The following PBRM1 variants were observed in gnomAD, a reference collection of about 807,000 sequenced individuals.
PBRM1 encodes the protein protein polybromo-1.
Under a neutral mutation model 194.5 loss-of-function variants are expected in PBRM1, and 27 were observed. That is an observed-to-expected ratio of 0.14 (90% CI 0.10 to 0.19). The LOEUF (loss-of-function observed/expected upper bound fraction) is 0.19, where lower values mean the gene tolerates loss of function less well. Ranked by LOEUF, PBRM1 falls within the 10% of genes least tolerant of loss-of-function variation. The pLI is 1.00. For missense variants in PBRM1, 1,466 were observed against 2,077.2 expected, an observed-to-expected ratio of 0.71 and a Z score of 5.72; for synonymous variants, 655 against 693.2, an observed-to-expected ratio of 0.94 and a Z score of 0.87.
rs1560693312 is a variant in PBRM1, at chr3:52,643,241, T to C, written c.995+7A>G. The C allele has an allele frequency of 1.3e-6, 2 of 1,594,612 alleles. No individual in the cohort carries two copies. The highest frequency in any genetic ancestry group is 1.7e-6 in the Non-Finnish European group (2 of 1,162,198). On this transcript the variant is annotated splice_region_variant and intron_variant, in intron 9 of 29. Coordinates refer to ENST00000296302, the Ensembl canonical transcript of PBRM1. The stretch of plus-strand genomic sequence containing the variant: ...TCAACTCTCAGACTAAACACTCTTT[T>C]TCTCACCGGTAATACTTGCTAGTGG...
rs139484710 is a variant in PBRM1, at chr3:52,562,020, T to G, written c.4087-52A>C. The G allele has an allele frequency of 1.3e-4, 188 of 1,462,100 alleles. No homozygotes were observed. In the African/African-American group the frequency reaches 2.5e-3, roughly 20 times the overall value. 90.6% of individuals were successfully genotyped at this position (1,462,100 alleles called of 1,614,324 possible). On this transcript the variant is annotated intron_variant, in intron 24 of 29. Coordinates refer to ENST00000296302, the Ensembl canonical transcript of PBRM1. ...CATCAAAACATTACATTTGGTTAAC[T>G]GCTCAAAATTTCAGAAGCCAGCCGG...
chr3:52,657,519 G>C (rs974813145), intron 5 of PBRM1, among the ~76,000 whole-genome samples: 3 of 152,058 alleles, frequency 2.0e-5, no homozygotes, highest in Admixed American at 1.3e-4. Context: ...ACCCAGGCTG[G>C]AGTGCAACGG....
rs533776672 is a variant in PBRM1 at position 52,581,534 on chromosome 3, T to C, written c.3388-2335A>G. On this transcript the variant is annotated intron_variant, in intron 20 of 29. Coordinates refer to ENST00000296302, the Ensembl canonical transcript of PBRM1. ...AAAAAAAAGAATCAGAGAGGTTCCA[T>C]ATACATGACAGGCAAGGGACATCTG... Among the ~76,000 whole-genome samples, 14 of 150,506 alleles carry C rather than the reference T, an allele frequency of 9.3e-5. No homozygotes were observed. The East Asian group carries it at 1.6e-3, about 17-fold the overall frequency.
At chr3:52,654,003 T>G (rs2096561417) in intron 5 of PBRM1, among the ~76,000 whole-genome samples, 1 of 152,224 alleles carries the variant, frequency 6.6e-6, no homozygotes, top group African/African-American at 2.4e-5. Context: ...GGAATGTCCT[T>G]GAAGCTTTCA....
chr3:52,641,446 C>CAAAAAAAAAAAAAA (rs386396638), intron 10 of PBRM1, among the ~76,000 whole-genome samples: 14 of 69,904 alleles, frequency 2.0e-4, no homozygotes, highest in Admixed American at 3.5e-4. Context: ...GACTCCATCT[C>CAAAAAAAAAAAAAA]AAAAAAAAAA....
At chr3:52,578,962 G>A (rs544075777) in intron 21 of PBRM1, 92 bp downstream of exon 23, 2 of 1,187,070 alleles carry the variant, frequency 1.7e-6, no homozygotes, top group East Asian at 2.3e-5. Context: ...GCCAGGGGAA[G>A]GACTTTTGTC....
intron 13 of PBRM1, among the ~76,000 whole-genome samples, chr3:52,621,180 TG>T (rs1358566331): frequency 1.3e-5 from 2 of 152,220 alleles, no homozygotes; most frequent in Non-Finnish European, 2.9e-5. Flanking sequence ...TTGATACTTC[TG>T]GCTACTGTTT....
At chr3:52,635,910 C>A (rs1410645344) in intron 10 of PBRM1, among the ~76,000 whole-genome samples, 1 of 152,136 alleles carries the variant, frequency 6.6e-6, no homozygotes, top group African/African-American at 2.4e-5. Context: ...TGTCGCCAGG[C>A]TGGAGTGCAG....
chr3:52,637,177 C>T (rs557612022), intron 10 of PBRM1, among the ~76,000 whole-genome samples: 1 of 152,250 alleles, frequency 6.6e-6, no homozygotes, highest in African/African-American at 2.4e-5. Context: ...TAAGCGGCAT[C>T]TTTTAAAAAA....
chr3:52,628,763 C>T, intron 12 of PBRM1, 131 bp downstream of exon 13: 2 of 822,306 alleles, frequency 2.4e-6, no homozygotes, highest in Non-Finnish European at 4.0e-6. Context: ...TGAGCCACCG[C>T]ACCCAGCCAA....
chr3:52,605,756 C>G (rs991657047), intron 16 of PBRM1, among the ~76,000 whole-genome samples: 1 of 151,926 alleles, frequency 6.6e-6, no homozygotes, highest in Non-Finnish European at 1.5e-5. Flanking sequence ...GCACCTACCA[C>G]CATGCCTGGC....
At chr3:52,584,254 A>G (rs1275240008) in intron 20 of PBRM1, among the ~76,000 whole-genome samples, 1 of 152,026 alleles carries the variant, frequency 6.6e-6, no homozygotes, top group Non-Finnish European at 1.5e-5. Flanking sequence ...TGTGAAATGG[A>G]TATTTTCTCC....
At chr3:52,669,068 AG>A (rs1327641577) in intron 2 of PBRM1, among the ~76,000 whole-genome samples, 4 of 152,212 alleles carry the variant, frequency 2.6e-5, no homozygotes, top group Non-Finnish European at 5.9e-5. Context: ...TTCTTTCTTC[AG>A]TAAGTGACCA....
intron 14 of PBRM1, among the ~76,000 whole-genome samples, chr3:52,616,649 C>T (rs575907320): frequency 2.0e-5 from 3 of 152,222 alleles, no homozygotes; most frequent in Admixed American, 6.5e-5. Flanking sequence ...GCTGAGATGG[C>T]GCCACTGCAC....
chr3:52,685,622 G>C (rs1383210235), intron 1 of PBRM1, 127 bp downstream of exon 1: 1 of 147,922 alleles, frequency 6.8e-6, no homozygotes, highest in Non-Finnish European at 1.5e-5. Flanking sequence ...CGCGCGCCCG[G>C]CCCGACCCGC....
At chr3:52,605,244 C>T (rs894418775) in intron 16 of PBRM1, among the ~76,000 whole-genome samples, 3 of 152,134 alleles carry the variant, frequency 2.0e-5, no homozygotes, top group Admixed American at 1.3e-4. Context: ...ACAGGGTGCT[C>T]CCTGTGTTGC....
chr3:52,661,648 A>G (rs534802857), intron 4 of PBRM1, among the ~76,000 whole-genome samples: 1 of 152,332 alleles, frequency 6.6e-6, no homozygotes, highest in East Asian at 1.9e-4. Context: ...AGAGCCAGTC[A>G]CGGGAAAAGT....
chr3:52,621,228 C>T lies in PBRM1; in HGVS notation c.1542-3690G>A, dbSNP rs188367659. Among the ~76,000 whole-genome samples, 82 of 152,238 alleles carry T rather than the reference C, an allele frequency of 5.4e-4. No homozygotes were observed. The East Asian group carries it at 7.5e-3, about 14-fold the overall frequency. ...AGACTGAGTCTCAGAGGTGCCATCT[C>T]GGCTCACTGCAAGCTCCGCCTCCCA... is the stretch of plus-strand genomic sequence containing the variant. On this transcript the variant is annotated intron_variant, in intron 13 of 29. Coordinates refer to ENST00000296302, the Ensembl canonical transcript of PBRM1.
intron 13 of PBRM1, among the ~76,000 whole-genome samples, chr3:52,618,591 G>GTT (rs67103558): frequency 1.6e-4 from 20 of 123,482 alleles, no homozygotes; most frequent in Admixed American, 1.8e-4. Flanking sequence ...TTATGACTTA[G>GTT]TTTTTTTTTT....
Sources: allele counts gnomAD v4.1 joint callset (sites outside exome capture counted in the v4.1 genomes callset), GRCh38; gene constraint gnomAD v4.1.1; transcripts MANE v1.5; gene names NCBI Gene and HGNC (gene_info 2026-07-23, HGNC 2026-07-21).